SORCS1: variants seen among roughly 807,000 people sequenced by gnomAD.
The protein encoded by SORCS1 is sortilin related VPS10 domain containing receptor 1.
A neutral mutation model predicts 146.1 loss-of-function variants in SORCS1; 60 were observed. The observed-to-expected ratio is 0.41, with a 90% CI of 0.33 to 0.51. The LOEUF is 0.51. SORCS1 is among the 20% of genes least tolerant of loss of function. The probability of loss-of-function intolerance (pLI) is 0.21; values close to 1 mark genes in which losing one functional copy is unlikely to be tolerated. For missense variants in SORCS1, 1,352 were observed against 1,487.6 expected (o/e 0.91, Z 1.50); for synonymous variants, 637 against 584.0 (o/e 1.09, Z -1.31).
intron 2 of SORCS1, among the ~76,000 whole-genome samples, chr10:106,913,590 A>G (rs1325309360): frequency 6.6e-6 from 1 of 152,210 alleles, no homozygotes; most frequent in Non-Finnish European, 1.5e-5. Flanking sequence ...GGTGCTGTGT[A>G]TGGTGAGGAG....
intron 5 of SORCS1, among the ~76,000 whole-genome samples, chr10:106,757,307 A>T (rs1858723909): frequency 6.6e-6 from 1 of 152,134 alleles, no homozygotes; most frequent in Non-Finnish European, 1.5e-5. Flanking sequence ...GTAACTTAAC[A>T]ATTTGATTTA....
At chr10:106,990,458 T>G (rs1473734193) in intron 1 of SORCS1, among the ~76,000 whole-genome samples, 1 of 151,958 alleles carries the variant, frequency 6.6e-6, no homozygotes, top group African/African-American at 2.4e-5. Flanking sequence ...TTAGTAGAGA[T>G]GGGTTTTCAC....
At position 106,676,895 on chromosome 10, in the gene SORCS1, T is replaced by A. The variant is rs541361089; in HGVS notation, c.1832+418A>T. On this transcript the variant is annotated intron_variant, in intron 13 of 25. Transcript: ENST00000263054. The stretch of plus-strand genomic sequence containing the variant: ...TTACCAGATAAAGACATCTGGACAA[T>A]GAGAAGCCAGACTACTTACCCATCA... Among the ~76,000 whole-genome samples the A allele has an allele frequency of 9.6e-4, 146 of 152,282 alleles. 1 individual carries two copies. Among genetic ancestry groups the A allele is most frequent in the African/African-American group, 3.4e-3 (141 of 41,560 alleles).
chr10:106,699,014 C>T (rs1853922791), intron 9 of SORCS1, among the ~76,000 whole-genome samples, 200 bp downstream of exon 9: 1 of 152,186 alleles, frequency 6.6e-6, no homozygotes, highest in Admixed American at 6.5e-5. Flanking sequence ...AAAAAAGAAT[C>T]CCTCCCAGAA....
chr10:106,732,305 C>T (rs1228965059), intron 5 of SORCS1, among the ~76,000 whole-genome samples: 4 of 152,128 alleles, frequency 2.6e-5, no homozygotes, highest in African/African-American at 9.7e-5. Flanking sequence ...TGCTTGAATC[C>T]AGGCAGAAAG....
At chr10:106,779,788 C>G (rs983740648) in intron 3 of SORCS1, among the ~76,000 whole-genome samples, 1 of 151,860 alleles carries the variant, frequency 6.6e-6, no homozygotes, top group African/African-American at 2.4e-5. Context: ...GTGCCCAGCC[C>G]CCCAAATATT....
intron 2 of SORCS1, among the ~76,000 whole-genome samples, chr10:106,900,306 C>A (rs908734137): frequency 6.6e-6 from 1 of 152,048 alleles, no homozygotes; most frequent in South Asian, 2.1e-4. Context: ...GGTAACAATG[C>A]CTGTTTAATA....
intron 1 of SORCS1, among the ~76,000 whole-genome samples, chr10:107,015,774 T>G (rs1199593489): frequency 6.6e-6 from 1 of 152,220 alleles, no homozygotes; most frequent in African/African-American, 2.4e-5. Flanking sequence ...TGTATAATTT[T>G]GAATAAAGGT....
intron 9 of SORCS1, among the ~76,000 whole-genome samples, chr10:106,698,939 G>A (rs1438261405): frequency 6.6e-6 from 1 of 152,110 alleles, no homozygotes; most frequent in Non-Finnish European, 1.5e-5. Context: ...ATCAAACCCT[G>A]TAATTGACTG....
intron 2 of SORCS1, among the ~76,000 whole-genome samples, chr10:106,845,411 C>T (rs2137198875): frequency 1.3e-5 from 1 of 74,148 alleles, no homozygotes; most frequent in East Asian, 4.2e-4. Context: ...TGTCCCTCGC[C>T]CACTTTTTGA....
In SORCS1 at chr10:106,779,822, C is replaced by T. The variant is rs966965697; in HGVS notation, c.727-3130G>A. Among the ~76,000 whole-genome samples, 3 of 152,234 alleles carry T rather than the reference C, an allele frequency of 2.0e-5. No individual in the cohort carries two copies. The East Asian group carries it at 5.8e-4, about 29-fold the overall frequency. ...TTCATTTTTAACTGAGCCATAGACACACAAATGCACACACGTTAACACACA... is the reference window on the plus strand; with the variant it reads ...TTCATTTTTAACTGAGCCATAGACATACAAATGCACACACGTTAACACACA... On this transcript the variant is annotated intron_variant, in intron 3 of 25. Coordinates refer to ENST00000263054, the MANE Select transcript of SORCS1 (RefSeq NM_052918.5).
chr10:106,675,816 T>C (rs983254712), intron 13 of SORCS1, among the ~76,000 whole-genome samples: 1 of 152,168 alleles, frequency 6.6e-6, no homozygotes, highest in Non-Finnish European at 1.5e-5. Context: ...GGACCACCCA[T>C]GAAAGGAATT....
intron 16 of SORCS1, among the ~76,000 whole-genome samples, chr10:106,668,190 G>A (rs1477088061): frequency 6.6e-6 from 1 of 152,138 alleles, no homozygotes; most frequent in Non-Finnish European, 1.5e-5. Context: ...AGTTTAACAC[G>A]GCCACATGTG....
At chr10:106,578,885 A>C in intron 25 of SORCS1, 1 of 1,408,876 alleles carries the variant, frequency 7.1e-7, no homozygotes, top group South Asian at 1.6e-5. Flanking sequence ...TAAACTAATG[A>C]GAGAAAAAAA....
intron 7 of SORCS1, among the ~76,000 whole-genome samples, chr10:106,708,539 T>C (rs1854706916): frequency 6.6e-6 from 1 of 152,204 alleles, no homozygotes; most frequent in African/African-American, 2.4e-5. Context: ...CTTAAATTTT[T>C]CCTTGAATGC....
intron 1 of SORCS1, 147 bp from the exon 2 acceptor site, chr10:106,956,727 G>A: frequency 1.4e-6 from 1 of 691,216 alleles, no homozygotes; most frequent in Non-Finnish European, 2.4e-6. Flanking sequence ...ACTGACTGGG[G>A]AAAGGTTGGC....
intron 2 of SORCS1, among the ~76,000 whole-genome samples, chr10:106,940,495 C>T (rs894854876): frequency 2.0e-5 from 3 of 152,212 alleles, no homozygotes; most frequent in Admixed American, 2.0e-4. Context: ...CAAACCAATA[C>T]ATTCAAAAGG....
intron 6 of SORCS1, among the ~76,000 whole-genome samples, chr10:106,727,716 G>C (rs149978348): frequency 2.6e-5 from 4 of 152,292 alleles, no homozygotes; most frequent in African/African-American, 9.6e-5. Flanking sequence ...GAGAGTTTAC[G>C]AGAGGCTTTT....
chr10:106,912,241 A>T (rs1249024754), intron 2 of SORCS1, among the ~76,000 whole-genome samples: 1 of 152,180 alleles, frequency 6.6e-6, no homozygotes, highest in African/African-American at 2.4e-5. Flanking sequence ...AAAAGTAAGA[A>T]TGAAATCCAA....
Sources: allele counts gnomAD v4.1 joint callset (sites outside exome capture counted in the v4.1 genomes callset), GRCh38; gene constraint gnomAD v4.1.1; transcripts MANE v1.5; gene names NCBI Gene and HGNC (gene_info 2026-07-23, HGNC 2026-07-21).